Variants in RARB observed in about 807,000 individuals in gnomAD.
RARB encodes retinoic acid receptor beta, also known as HBV-activated protein.
A neutral mutation model predicts 51.9 loss-of-function variants in RARB; 17 were observed. That is an observed-to-expected ratio of 0.33 (90% CI 0.22 to 0.49). RARB has a LOEUF of 0.49. Among genes scored for constraint, RARB ranks in the 20% least tolerant of loss-of-function variants. RARB has a pLI of 0.99. For synonymous variants in RARB, 215 were observed against 195.4 expected, an observed-to-expected ratio of 1.10 and a Z score of -0.84; for missense variants, 369 against 550.8, an observed-to-expected ratio of 0.67 and a Z score of 3.30.
chr3:25,581,331 G>C (rs1186400273), intron 5 of RARB, among the ~76,000 whole-genome samples: 1 of 152,142 alleles, frequency 6.6e-6, no homozygotes, highest in East Asian at 1.9e-4. Context: ...TGCATCCCTG[G>C]AGGCCAGTCC....
intron 2 of RARB, among the ~76,000 whole-genome samples, chr3:24,920,993 T>C (rs1013218501): frequency 6.6e-6 from 1 of 152,198 alleles, no homozygotes; most frequent in Non-Finnish European, 1.5e-5. Context: ...TCCACTATTA[T>C]AGTCATGTCT....
At chr3:25,530,761 A>G (rs1459084663) in intron 3 of RARB, among the ~76,000 whole-genome samples, 1 of 152,170 alleles carries the variant, frequency 6.6e-6, no homozygotes, top group Non-Finnish European at 1.5e-5. Flanking sequence ...TTGCCACATA[A>G]CATATTCACA....
chr3:25,026,468 C>T (rs1218674156), intron 2 of RARB, among the ~76,000 whole-genome samples: 4 of 152,278 alleles, frequency 2.6e-5, no homozygotes, highest in South Asian at 2.1e-4. Flanking sequence ...CATGTGCTCA[C>T]GTGGTCTTTT....
chr3:25,248,810 T>A (rs1702633685), intron 5 of RARB, among the ~76,000 whole-genome samples: 1 of 152,188 alleles, frequency 6.6e-6, no homozygotes, highest in Non-Finnish European at 1.5e-5. Context: ...CTACTGTTAG[T>A]CTGGTTGGGG....
intron 2 of RARB, among the ~76,000 whole-genome samples, chr3:25,034,169 A>T (rs200742522): frequency 6.6e-6 from 1 of 152,180 alleles, no homozygotes; most frequent in East Asian, 1.9e-4. Context: ...AATTAGCTGG[A>T]TGTGGTGGCG....
At chr3:24,956,556 T>A (rs1295478280) in intron 2 of RARB, among the ~76,000 whole-genome samples, 1 of 152,194 alleles carries the variant, frequency 6.6e-6, no homozygotes, top group East Asian at 1.9e-4. Flanking sequence ...TCTCAAGCTG[T>A]GTGTCTCTTG....
intron 5 of RARB, among the ~76,000 whole-genome samples, chr3:25,419,592 T>A (rs1340282806): frequency 6.6e-6 from 1 of 152,172 alleles, no homozygotes; most frequent in African/African-American, 2.4e-5. Flanking sequence ...ACAGAGAGTC[T>A]GACAGTGTAG....
intron 2 of RARB, among the ~76,000 whole-genome samples, chr3:24,992,937 A>G (rs1696944342): frequency 6.6e-6 from 1 of 152,202 alleles, no homozygotes; most frequent in South Asian, 2.1e-4. Flanking sequence ...TTTTTAAATT[A>G]TTCTTTTTGT....
chr3:25,059,997 A>G (rs906321756), intron 2 of RARB: 15 of 151,772 alleles, frequency 9.9e-5, no homozygotes, highest in African/African-American at 3.6e-4. Context: ...CCTGGCAAGC[A>G]TCTTTCCCTA....
rs576431550 is a variant in RARB at position 24,998,790 on chromosome 3, C to T, written c.-379-61335C>T. 2.1e-4 allele frequency among the ~76,000 whole-genome samples: 31 copies of T among 148,224 alleles called. 1 individual carries two copies. Among genetic ancestry groups the T allele is most frequent in the African/African-American group, 7.8e-4 (31 of 39,860 alleles). On this transcript the variant is annotated intron_variant, in intron 2 of 11. Coordinates refer to the RARB transcript ENST00000383772. ...GAAGTCCTAACACCTTTTCAAAAAT[C>T]CAAATTCCTGTAGATATTGTAATAG...
At chr3:25,353,009 C>A (rs1705623190) in intron 5 of RARB, among the ~76,000 whole-genome samples, 1 of 152,200 alleles carries the variant, frequency 6.6e-6, no homozygotes, top group Admixed American at 6.5e-5. Context: ...ATCTTCTGAG[C>A]AAACGCTAGT....
At chr3:25,426,717 A>G (rs1276667460), upstream of RARB, among the ~76,000 whole-genome samples, 2 of 152,228 alleles carry the variant, frequency 1.3e-5, no homozygotes, top group East Asian at 3.8e-4. Flanking sequence ...TGGAGAAAAA[A>G]GGGTGTTTTA....
At chr3:25,567,399 A>C (rs562989705) in intron 3 of RARB, among the ~76,000 whole-genome samples, 1 of 152,296 alleles carries the variant, frequency 6.6e-6, no homozygotes, top group African/African-American at 2.4e-5. Flanking sequence ...TTAGAATCAC[A>C]CAATGTGTGG....
chr3:24,991,056 G>C (rs1273339890), intron 2 of RARB, among the ~76,000 whole-genome samples: 1 of 151,994 alleles, frequency 6.6e-6, no homozygotes, highest in South Asian at 2.1e-4. Context: ...TTTTTATGTT[G>C]GTCTTGTAAA....
rs190500436 is a variant in RARB, at chr3:25,561,984, A to C, written c.449-7774A>C. Among the ~76,000 whole-genome samples the C allele has an allele frequency of 2.9e-3, 448 of 152,272 alleles. 4 individuals are homozygous for C. The highest frequency in any genetic ancestry group is 0.01 in the African/African-American group (424 of 41,550). On this transcript the variant is annotated intron_variant, in intron 3 of 7. Transcript: ENST00000330688. Reference sequence around the variant, plus strand: ...CTATTCCATGAAAGAAATATAAAGGAGTGTGCTTGTATCCCTGCTCAACTT... The same window carrying C: ...CTATTCCATGAAAGAAATATAAAGGCGTGTGCTTGTATCCCTGCTCAACTT...
In RARB at chr3:24,970,648, T is replaced by C. The variant is rs181157645; in HGVS notation, c.-379-89477T>C. Among the ~76,000 whole-genome samples, 450 of 151,288 alleles carry C rather than the reference T, an allele frequency of 3.0e-3. 1 individual carries two copies. The highest frequency in any genetic ancestry group is 3.5e-3 in the Non-Finnish European group (235 of 67,708). On this transcript the variant is annotated intron_variant, in intron 2 of 11. Coordinates refer to the RARB transcript ENST00000383772. ...ACCACCTGTAGCATGAGAAAGACAC[T>C]TCATTTTAGTACTTGGAGAAGACCT...
intron 2 of RARB, among the ~76,000 whole-genome samples, chr3:25,472,031 T>C (rs1175401957): frequency 6.6e-6 from 1 of 152,180 alleles, no homozygotes; most frequent in Non-Finnish European, 1.5e-5. Context: ...TGTAAAACCA[T>C]GGAAATAATA....
chr3:25,466,687 C>T (rs1328961805), intron 2 of RARB, among the ~76,000 whole-genome samples: 1 of 152,146 alleles, frequency 6.6e-6, no homozygotes. Context: ...CCCTGGATTA[C>T]CCTAGTACAG....
At chr3:24,928,833 A>G (rs1695378656) in intron 2 of RARB, among the ~76,000 whole-genome samples, 1 of 152,060 alleles carries the variant, frequency 6.6e-6, no homozygotes, top group Admixed American at 6.6e-5. Context: ...CAGTGATTGT[A>G]AATAATATGG....
Sources: allele counts gnomAD v4.1 joint callset (sites outside exome capture counted in the v4.1 genomes callset), GRCh38; gene constraint gnomAD v4.1.1; transcripts MANE v1.5; gene names NCBI Gene and HGNC (gene_info 2026-07-23, HGNC 2026-07-21).